SMARCAL1: variants seen among roughly 807,000 people sequenced by gnomAD.
SMARCAL1 encodes SNF2 related chromatin remodeling annealing helicase 1.
SMARCAL1 carries 58 observed loss-of-function variants against 94.5 expected under a neutral mutation model. That is an observed-to-expected ratio of 0.61 (90% confidence interval 0.50 to 0.76). The LOEUF (loss-of-function observed/expected upper bound fraction) is 0.76, where lower values mean the gene tolerates loss of function less well. Ranked by LOEUF, SMARCAL1 falls within the 30% of genes least tolerant of loss-of-function variation. The probability of loss-of-function intolerance (pLI) is 0.00; values close to 1 mark genes in which losing one functional copy is unlikely to be tolerated. For synonymous variants in SMARCAL1, 422 were observed against 455.1 expected (o/e 0.93, Z 0.93); for missense variants, 1,051 against 1,177.9 (o/e 0.89, Z 1.58).
intron 13 of SMARCAL1, among the ~76,000 whole-genome samples, chr2:216,465,801 G>A (rs1397774572): frequency 6.6e-6 from 1 of 152,074 alleles, no homozygotes; most frequent in African/African-American, 2.4e-5. Flanking sequence ...ACTGGCTGTG[G>A]GGACTGAGAT....
At chr2:216,421,244 A>T (rs565813662) in intron 5 of SMARCAL1, among the ~76,000 whole-genome samples, 3 of 152,188 alleles carry the variant, frequency 2.0e-5, no homozygotes, top group South Asian at 4.2e-4. Flanking sequence ...CGATAAGCCT[A>T]ATTATAAGCC....
At chr2:216,440,277 G>T (rs1446948911) in intron 10 of SMARCAL1, among the ~76,000 whole-genome samples, 2 of 152,124 alleles carry the variant, frequency 1.3e-5, no homozygotes, top group African/African-American at 4.8e-5. Flanking sequence ...TTAGACAAAA[G>T]AAAATGCACA....
intron 12 of SMARCAL1, among the ~76,000 whole-genome samples, chr2:216,459,789 T>G (rs1694654867): frequency 6.6e-6 from 1 of 151,704 alleles, no homozygotes; most frequent in Non-Finnish European, 1.5e-5. Context: ...GGACTTCATG[T>G]CTAAAACACC....
chr2:216,447,331 GA>G (rs1483551506), intron 11 of SMARCAL1, among the ~76,000 whole-genome samples, 173 bp downstream of exon 11: 1 of 152,120 alleles, frequency 6.6e-6, no homozygotes, highest in Non-Finnish European at 1.5e-5. Flanking sequence ...GGGGTAAGAT[GA>G]AAATGGTCAT....
At chr2:216,443,091 A>G (rs1471867181) in intron 10 of SMARCAL1, among the ~76,000 whole-genome samples, 5 of 152,150 alleles carry the variant, frequency 3.3e-5, no homozygotes, top group African/African-American at 1.2e-4. Context: ...AAAAAAATCT[A>G]CCTTAGGCCG....
intron 17 of SMARCAL1, chr2:216,479,134 T>TATGC (rs1695147508): frequency 6.6e-6 from 1 of 152,358 alleles, no homozygotes; most frequent in Non-Finnish European, 1.5e-5. Flanking sequence ...AAACCAGGAG[T>TATGC]ATGCCCTCCT....
rs372158077 is a variant in SMARCAL1, at chr2:216,464,667, T to C, written c.2141T>C (p.Ile714Thr). 66 of 1,607,012 alleles carry C rather than the reference T, an allele frequency of 4.1e-5. No individual in the cohort carries two copies. The highest frequency in any genetic ancestry group is 5.1e-5 in the Non-Finnish European group (60 of 1,174,780). Residue 714 changes from isoleucine (I) to threonine (T), a missense_variant and splice_region_variant, in exon 13 of 18, where the codon ATT (isoleucine) becomes ACT (threonine). Transcript: ENST00000357276. ...GCTGAAGCTAAAATCCCATCTGTCA[T>C]GTAAGTGGTCACTAAGTGTCGACCT... ...RTAEAKIPSV[I>T]EYILDLLESG...
At position 216,415,466 on chromosome 2, in the gene SMARCAL1, C is replaced by G; in HGVS notation, c.762C>G (p.Tyr254Ter). 1 of 1,613,692 alleles carries G rather than the reference C, an allele frequency of 6.2e-7. No homozygotes were observed. The stretch of plus-strand genomic sequence containing the variant: ...ATCGTTTCCAGGTGTTGATTGGGTA[C>G]AATGCGGAACTCATTGCAGTGTTTA... Reference protein sequence around the residue: ...NGDRFQVLIGYNAELIAVFKT... With the variant: ...NGDRFQVLIG Residue 254 changes from tyrosine to a stop codon, truncating the protein, a stop_gained, in exon 3 of 18, where the codon TAC becomes TAG. Coordinates refer to ENST00000357276, the MANE Select transcript of SMARCAL1 (RefSeq NM_014140.4). LOFTEE classifies it high-confidence loss of function.
chr2:216,443,366 C>CAAAA lies in SMARCAL1; in HGVS notation c.1711-3635_1711-3632dup, dbSNP rs34568945. Among the ~76,000 whole-genome samples, 76 of 81,008 alleles carry CAAAA rather than the reference C, an allele frequency of 9.4e-4. 1 individual carries two copies. The highest frequency in any genetic ancestry group is 3.5e-3 in the African/African-American group (73 of 20,616). 53.1% of individuals were successfully genotyped at this position (81,008 alleles called of 152,430 possible). On this transcript the variant is annotated intron_variant, in intron 10 of 17. Coordinates refer to ENST00000357276, the MANE Select transcript of SMARCAL1 (RefSeq NM_014140.4). The stretch of plus-strand genomic sequence containing the variant: ...TGGGTGACAGAGTGACACTCTGTCT[C>CAAAA]AAAAAAAAAAAAAAAAAAAAGCTTG...
At chr2:216,450,774 G>A (rs542426929) in intron 11 of SMARCAL1, 72 bp from the exon 12 acceptor site, 25 of 1,281,770 alleles carry the variant, frequency 2.0e-5, no homozygotes, top group South Asian at 6.0e-5. Flanking sequence ...GGGACCTCCC[G>A]GGATCCCAAG....
At chr2:216,453,599 C>T (rs1694495589) in intron 12 of SMARCAL1, among the ~76,000 whole-genome samples, 1 of 152,194 alleles carries the variant, frequency 6.6e-6, no homozygotes, top group South Asian at 2.1e-4. Flanking sequence ...CTTCCAGACC[C>T]TGGCCAGCTA....
At chr2:216,479,232 A>C (rs1559139441) in intron 17 of SMARCAL1, 1 of 152,302 alleles carries the variant, frequency 6.6e-6, no homozygotes, top group Non-Finnish European at 1.5e-5. Flanking sequence ...ACGGTAGCTT[A>C]TCAGGAAAGT....
At chr2:216,462,977 T>G (rs1694739479) in intron 12 of SMARCAL1, among the ~76,000 whole-genome samples, 2 of 152,080 alleles carry the variant, frequency 1.3e-5, no homozygotes, top group Admixed American at 1.3e-4. Flanking sequence ...CATGACCCTG[T>G]CTCAAAAACA....
intron 4 of SMARCAL1, among the ~76,000 whole-genome samples, chr2:216,417,861 C>T (rs1321417650): frequency 1.3e-5 from 2 of 152,138 alleles, no homozygotes; most frequent in Admixed American, 6.6e-5. Flanking sequence ...GTTCTGACCA[C>T]GGTGCATGGT....
At chr2:216,464,499 G>C in intron 12 of SMARCAL1, 98 bp from the exon 13 acceptor site, 1 of 918,910 alleles carries the variant, frequency 1.1e-6, no homozygotes, top group Non-Finnish European at 1.8e-6. Context: ...GTGACGGGTG[G>C]TTGAGATTTG....
chr2:216,447,244 A>G (rs1694338864), intron 11 of SMARCAL1, 86 bp downstream of exon 11: 11 of 1,504,748 alleles, frequency 7.3e-6, no homozygotes, highest in South Asian at 2.3e-5. Flanking sequence ...TCTGGCCATG[A>G]TATGGTCAGA....
intron 4 of SMARCAL1, among the ~76,000 whole-genome samples, 193 bp from the exon 5 acceptor site, chr2:216,420,106 T>C (rs989157717): frequency 4.9e-5 from 7 of 143,652 alleles, no homozygotes; most frequent in Admixed American, 2.7e-4. Flanking sequence ...AATATTGAAA[T>C]TCCCAAAGCC....
At position 216,413,113 on chromosome 2, in the gene SMARCAL1, G is replaced by A. The variant is rs369742362; in HGVS notation, c.-96+465G>A. Among the ~76,000 whole-genome samples, 27 of 150,124 alleles carry A rather than the reference G, an allele frequency of 1.8e-4. No homozygotes were observed. In the East Asian group the frequency reaches 3.2e-3, roughly 18 times the overall value. Reference sequence around the variant, plus strand: ...TTCCTAACTGCTAATGGTTGGAGAAGGTGGAAGTTCTCTGGGGATAGATAC... The same window carrying A: ...TTCCTAACTGCTAATGGTTGGAGAAAGTGGAAGTTCTCTGGGGATAGATAC... On this transcript the variant is annotated intron_variant, in intron 1 of 17. Transcript: ENST00000357276.
intron 12 of SMARCAL1, among the ~76,000 whole-genome samples, chr2:216,460,963 A>G (rs940683798): frequency 1.3e-5 from 2 of 152,188 alleles, no homozygotes; most frequent in East Asian, 3.8e-4. Flanking sequence ...ATGAGATAAA[A>G]TGTACTGAAA....
Sources: gnomAD v4.1 joint callset for allele counts (sites outside exome capture counted in the v4.1 genomes callset) on GRCh38, gnomAD v4.1.1 for gene constraint, MANE v1.5 for transcripts, NCBI Gene and HGNC (gene_info 2026-07-23, HGNC 2026-07-21) for gene names.